Variants in MDGA2 observed in about 807,000 individuals in gnomAD.
MDGA2 encodes the protein MAM domain containing glycosylphosphatidylinositol anchor 2.
A neutral mutation model predicts 117.8 loss-of-function variants in MDGA2; 40 were observed. The ratio of observed to expected loss-of-function variants is 0.34; its 90% CI spans 0.26 to 0.44. The LOEUF (loss-of-function observed/expected upper bound fraction) is 0.44. MDGA2 is among the 20% of genes least tolerant of loss of function. MDGA2 has a pLI of 1.00. For synonymous variants in MDGA2, 452 were observed against 439.0 expected (o/e 1.03, Z -0.37); for missense variants, 1,123 against 1,250.6 (o/e 0.90, Z 1.54).
chr14:47,671,920 C>G (rs1298673376), intron 1 of MDGA2, among the ~76,000 whole-genome samples: 1 of 152,186 alleles, frequency 6.6e-6, no homozygotes, highest in Non-Finnish European at 1.5e-5. Context: ...AAGTTCATGA[C>G]TTACAAAATC....
At chr14:46,950,795 C>CAATA (rs149725598) in intron 9 of MDGA2, among the ~76,000 whole-genome samples, 16,715 of 150,798 alleles carry the variant, frequency 0.11, 1,775 homozygotes, top group African/African-American at 0.25. Flanking sequence ...AGCTGAATAG[C>CAATA]AATAAATAAA....
chr14:46,913,846 G>A (rs1177443075), intron 10 of MDGA2, among the ~76,000 whole-genome samples: 1 of 148,948 alleles, frequency 6.7e-6, no homozygotes, highest in Non-Finnish European at 1.5e-5. Context: ...ACAATACTTC[G>A]TTTTTAAATT....
intron 1 of MDGA2, among the ~76,000 whole-genome samples, chr14:47,624,767 T>G (rs72670802): frequency 1.3e-5 from 2 of 152,166 alleles, no homozygotes; most frequent in Non-Finnish European, 2.9e-5. Context: ...ATAACATTTC[T>G]GCTTATCTTC....
At chr14:47,390,971 A>G (rs1292788521) in intron 1 of MDGA2, among the ~76,000 whole-genome samples, 3 of 151,740 alleles carry the variant, frequency 2.0e-5, no homozygotes, top group African/African-American at 7.3e-5. Context: ...GGCTGTTTCC[A>G]CTCCTACCAT....
chr14:47,044,954 T>C (rs1889204576), intron 7 of MDGA2, among the ~76,000 whole-genome samples: 1 of 152,108 alleles, frequency 6.6e-6, no homozygotes, highest in African/African-American at 2.4e-5. Flanking sequence ...AGGTTTGGTA[T>C]TGGAGATGGG....
chr14:47,583,145 T>A (rs952649773), intron 1 of MDGA2, among the ~76,000 whole-genome samples: 1 of 151,950 alleles, frequency 6.6e-6, no homozygotes, highest in African/African-American at 2.4e-5. Flanking sequence ...AAAAGGTCTC[T>A]ATTCTCACAG....
intron 1 of MDGA2, among the ~76,000 whole-genome samples, chr14:47,566,067 G>A (rs1311720531): frequency 6.6e-6 from 1 of 152,204 alleles, no homozygotes. Flanking sequence ...TGCCAGCAGG[G>A]AAGGAGAGGC....
intron 3 of MDGA2, among the ~76,000 whole-genome samples, chr14:47,212,114 T>C (rs1379231797): frequency 6.6e-6 from 1 of 152,152 alleles, no homozygotes; most frequent in Non-Finnish European, 1.5e-5. Context: ...GTAGTGGAAA[T>C]TAACCTAAAG....
At chr14:47,229,488 T>C (rs1886616412) in intron 2 of MDGA2, among the ~76,000 whole-genome samples, 2 of 152,068 alleles carry the variant, frequency 1.3e-5, no homozygotes, top group South Asian at 4.1e-4. Flanking sequence ...AATAAAAAAT[T>C]ACTTAATAAA....
At chr14:46,881,884 GGTTTTT>G (rs1169606274) in intron 11 of MDGA2, among the ~76,000 whole-genome samples, 154 bp downstream of exon 11, 1 of 151,852 alleles carries the variant, frequency 6.6e-6, no homozygotes, top group African/African-American at 2.4e-5. Context: ...TGGTGATTAA[GGTTTTT>G]GTTTTTGTTT....
chr14:47,359,462 C>T (rs1335878743), intron 1 of MDGA2, among the ~76,000 whole-genome samples: 1 of 151,770 alleles, frequency 6.6e-6, no homozygotes, highest in Non-Finnish European at 1.5e-5. Flanking sequence ...ACTAACACAA[C>T]CGAATAAAGG....
intron 2 of MDGA2, among the ~76,000 whole-genome samples, chr14:47,223,231 T>C (rs2139535339): frequency 6.6e-6 from 1 of 152,170 alleles, no homozygotes; most frequent in East Asian, 1.9e-4. Flanking sequence ...AAAATTCAAG[T>C]TAAGGTGGGT....
intron 14 of MDGA2, among the ~76,000 whole-genome samples, chr14:46,864,129 C>A (rs1881627430): frequency 6.8e-6 from 1 of 147,562 alleles, no homozygotes; most frequent in South Asian, 2.2e-4. Flanking sequence ...TAAAACAGTC[C>A]AGTGCTTCCC....
intron 1 of MDGA2, chr14:47,343,294 T>G: frequency 8.9e-7 from 1 of 1,121,806 alleles, no homozygotes; most frequent in Non-Finnish European, 1.1e-6. Context: ...GTTAACTAAG[T>G]TCTAAGTAGT....
At chr14:47,414,878 T>A (rs1374962839) in intron 1 of MDGA2, among the ~76,000 whole-genome samples, 1 of 152,096 alleles carries the variant, frequency 6.6e-6, no homozygotes, top group East Asian at 1.9e-4. Flanking sequence ...ATTAATGTAA[T>A]CATCATTTTT....
chr14:46,918,760 C>CTTTTT (rs34958634), intron 10 of MDGA2, among the ~76,000 whole-genome samples: 8 of 124,770 alleles, frequency 6.4e-5, no homozygotes, highest in African/African-American at 2.3e-4. Context: ...TACAGTGTAT[C>CTTTTT]TTTTTTTTTT....
chr14:46,910,143 A>C (rs1883643127), intron 10 of MDGA2, among the ~76,000 whole-genome samples: 1 of 152,122 alleles, frequency 6.6e-6, no homozygotes, highest in Non-Finnish European at 1.5e-5. Context: ...TATTTATATG[A>C]ATTGACATAA....
chr14:47,453,178 A>G (rs1040522530), intron 1 of MDGA2, among the ~76,000 whole-genome samples: 1 of 151,992 alleles, frequency 6.6e-6, no homozygotes, highest in Non-Finnish European at 1.5e-5. Flanking sequence ...AAGAAATGTC[A>G]AAAGAGTAAC....
intron 1 of MDGA2, among the ~76,000 whole-genome samples, chr14:47,537,429 C>T (rs565810696): frequency 4.8e-4 from 72 of 151,388 alleles, no homozygotes; most frequent in Non-Finnish European, 8.6e-4. Flanking sequence ...ACGTTGTGCA[C>T]ATGTACCCTA....
Sources: gnomAD v4.1 joint callset for allele counts (sites outside exome capture counted in the v4.1 genomes callset) on GRCh38, gnomAD v4.1.1 for gene constraint, MANE v1.5 for transcripts, NCBI Gene and HGNC (gene_info 2026-07-23, HGNC 2026-07-21) for gene names.